TDRP: variants seen among roughly 807,000 people sequenced by gnomAD.
The protein encoded by TDRP is testis development related protein, also known as testis development-related protein.
A neutral mutation model predicts 10.5 loss-of-function variants in TDRP; 12 were observed. That is an observed-to-expected ratio of 1.15 (90% confidence interval 0.73 to 1.86). The LOEUF is 1.86. Among genes scored for constraint, TDRP ranks in the 40% most tolerant of loss-of-function variants. TDRP has a pLI of 0.00. For synonymous variants in TDRP, 139 were observed against 95.4 expected (o/e 1.46, Z -2.67); for missense variants, 353 against 229.2 (o/e 1.54, Z -3.49).
At chr8:504,691 A>G (rs1045399207) in intron 1 of TDRP, among the ~76,000 whole-genome samples, 2 of 152,216 alleles carry the variant, frequency 1.3e-5, no homozygotes, top group Non-Finnish European at 2.9e-5. Context: ...ACCAGGTTAC[A>G]ATTTGGGTCA....
intron 1 of TDRP, among the ~76,000 whole-genome samples, chr8:506,105 A>T (rs1218237257): frequency 2.0e-5 from 3 of 152,172 alleles, no homozygotes; most frequent in Non-Finnish European, 4.4e-5. Flanking sequence ...AGCCACATGA[A>T]CACTATTTTT....
intron 1 of TDRP, among the ~76,000 whole-genome samples, chr8:538,863 C>T (rs1802417281): frequency 6.6e-6 from 1 of 152,198 alleles, no homozygotes. Context: ...GCGCATCTCA[C>T]CACACTGGTG....
At chr8:501,619 T>A (rs970790785) in intron 1 of TDRP, among the ~76,000 whole-genome samples, 4 of 152,188 alleles carry the variant, frequency 2.6e-5, no homozygotes, top group African/African-American at 4.8e-5. Flanking sequence ...AGTGCTGGGA[T>A]TACAGGCGTG....
At chr8:533,169 G>C (rs1802253254) in intron 1 of TDRP, among the ~76,000 whole-genome samples, 1 of 152,146 alleles carries the variant, frequency 6.6e-6, no homozygotes. Flanking sequence ...TTCTGAAGTG[G>C]AGAACCAGGT....
Position 532,338 on chromosome 8 carries a change from A to G in TDRP, c.108+12312T>C, listed in dbSNP as rs150758931. On this transcript the variant is annotated intron_variant, in intron 1 of 2. Transcript: ENST00000324079. ...CCACTGAAACCTGCTACTGGGGGAA[A>G]CCTGCAATCTGTCTCAGAAGGGCAC... is the stretch of plus-strand genomic sequence containing the variant. Among the ~76,000 whole-genome samples, 439 of 152,272 alleles carry G rather than the reference A, an allele frequency of 2.9e-3. 2 individuals are homozygous for G. Among genetic ancestry groups the G allele is most frequent in the African/African-American group, 9.8e-3 (409 of 41,554 alleles).
At chr8:495,407 C>A (rs553160741) in intron 1 of TDRP, among the ~76,000 whole-genome samples, 1 of 152,212 alleles carries the variant, frequency 6.6e-6, no homozygotes, top group Admixed American at 6.5e-5. Context: ...CTAACTTCTA[C>A]AAGTGTAGAT....
At chr8:532,477 T>C (rs1802230421) in intron 1 of TDRP, among the ~76,000 whole-genome samples, 1 of 152,236 alleles carries the variant, frequency 6.6e-6, no homozygotes, top group Admixed American at 6.5e-5. Flanking sequence ...GTGAAGACCA[T>C]GAATACAATC....
intron 1 of TDRP, among the ~76,000 whole-genome samples, chr8:541,376 A>G (rs1802492186): frequency 6.6e-6 from 1 of 152,238 alleles, no homozygotes; most frequent in Non-Finnish European, 1.5e-5. Context: ...TCAATATAAT[A>G]CCAAAGGCAC....
Position 492,269 on chromosome 8 carries a change from A to G in TDRP, c.*130T>C. On this transcript the variant is annotated 3_prime_UTR_variant, in exon 3 of 3. Coordinates refer to ENST00000324079, the MANE Select transcript of TDRP (RefSeq NM_001384899.1). The stretch of plus-strand genomic sequence containing the variant: ...GTGAGAGTTCATTAAATAAAGAAAC[A>G]GAGGTCCAAATATCAAATATAGGCA... 1 of 1,335,868 alleles carries G rather than the reference A, an allele frequency of 7.5e-7. No homozygotes were observed. The highest frequency in any genetic ancestry group is 9.6e-7 in the Non-Finnish European group (1 of 1,045,136). 82.8% of individuals were successfully genotyped at this position (1,335,868 alleles called of 1,614,324 possible). A position where few individuals can be genotyped will look rare whatever the true frequency, so the allele number is the denominator to read the frequency against.
At position 490,700 on chromosome 8, in the gene TDRP, T is replaced by A. The variant is rs776329080; in HGVS notation, c.*1699A>T. On this transcript the variant is annotated 3_prime_UTR_variant, in exon 3 of 3. Coordinates refer to ENST00000324079, the MANE Select transcript of TDRP (RefSeq NM_001384899.1). ...TTATGACTATTTACCTGAGGAAACTTAGAATTTGTCAACTTAGCTGTTATA... is the reference window on the plus strand; with the variant it reads ...TTATGACTATTTACCTGAGGAAACTAAGAATTTGTCAACTTAGCTGTTATA... 1 of 152,220 alleles carries A rather than the reference T, an allele frequency of 6.6e-6. No homozygotes were observed. The highest frequency in any genetic ancestry group is 2.4e-5 in the African/African-American group (1 of 41,460). The allele number at this position is 152,220 out of a possible 1,614,324, so 9.4% of individuals were successfully genotyped here.
At chr8:497,679 T>C (rs1303803814) in intron 1 of TDRP, among the ~76,000 whole-genome samples, 1 of 152,180 alleles carries the variant, frequency 6.6e-6, no homozygotes, top group Non-Finnish European at 1.5e-5. Flanking sequence ...CCAATGTTAA[T>C]TGTCAAGACA....
chr8:501,193 G>A (rs192101941), intron 1 of TDRP, among the ~76,000 whole-genome samples: 360 of 151,860 alleles, frequency 2.4e-3, no homozygotes, highest in African/African-American at 8.3e-3. Context: ...GCGACAGAGT[G>A]AGACTCCATC....
intron 1 of TDRP, among the ~76,000 whole-genome samples, chr8:511,943 A>C (rs1386518273): frequency 6.6e-6 from 1 of 152,174 alleles, no homozygotes; most frequent in Non-Finnish European, 1.5e-5. Flanking sequence ...TTATAGCTGT[A>C]AATGTCTATA....
Position 493,940 on chromosome 8 carries a change from A to T in TDRP, c.212+554T>A, listed in dbSNP as rs1801053945. Among the ~76,000 whole-genome samples the T allele has an allele frequency of 1.3e-4, 19 of 149,800 alleles. No individual in the cohort carries two copies. The South Asian group carries it at 3.8e-3, about 30-fold the overall frequency. ...CCAACAGAGACCCTCAGGACCTTTTATCCAAAGTACAGTTTCTTTTTTTTT... is the reference window on the plus strand; with the variant it reads ...CCAACAGAGACCCTCAGGACCTTTTTTCCAAAGTACAGTTTCTTTTTTTTT... On this transcript the variant is annotated intron_variant, in intron 2 of 2. Coordinates refer to ENST00000324079, the MANE Select transcript of TDRP (RefSeq NM_001384899.1).
At chr8:499,252 G>T (rs1801220908) in intron 1 of TDRP, among the ~76,000 whole-genome samples, 1 of 146,220 alleles carries the variant, frequency 6.8e-6, no homozygotes, top group Admixed American at 6.7e-5. Context: ...TTTGTTTTTG[G>T]AGGCAGGGTC....
chr8:501,806 G>A (rs374251267), intron 1 of TDRP, among the ~76,000 whole-genome samples: 108 of 152,336 alleles, frequency 7.1e-4, no homozygotes, highest in South Asian at 2.9e-3. Context: ...ACGGTTTGCC[G>A]TTATCAACCA....
Position 490,267 on chromosome 8 carries a change from AT to A in TDRP, c.*2131del, listed in dbSNP as rs1291855232. ...TTAATCAGGCACAGAAGAAAAAATC[AT>A]TTTTACATTAGTCTTTGTAGATAAG... On this transcript the variant is annotated 3_prime_UTR_variant, in exon 3 of 3. Coordinates refer to ENST00000324079, the MANE Select transcript of TDRP (RefSeq NM_001384899.1). The A allele has an allele frequency of 1.3e-5, 2 of 152,244 alleles. No individual in the cohort carries two copies. The highest frequency in any genetic ancestry group is 2.9e-5 in the Non-Finnish European group (2 of 68,040). 9.4% of individuals were successfully genotyped at this position (152,244 alleles called of 1,614,324 possible).
intron 1 of TDRP, among the ~76,000 whole-genome samples, chr8:532,437 C>T (rs1391952561): frequency 2.6e-5 from 4 of 152,210 alleles, no homozygotes; most frequent in African/African-American, 9.6e-5. Flanking sequence ...AAATGCACTC[C>T]AGCTCTTCTA....
chr8:545,768 G>T (rs1346030876), upstream of TDRP: 1 of 151,862 alleles, frequency 6.6e-6, no homozygotes, highest in Non-Finnish European at 1.5e-5. Context: ...GGCGCCGCGG[G>T]CTCGGCCCGG....
Sources: allele counts gnomAD v4.1 joint callset (sites outside exome capture counted in the v4.1 genomes callset), GRCh38; gene constraint gnomAD v4.1.1; transcripts MANE v1.5; gene names NCBI Gene and HGNC (gene_info 2026-07-23, HGNC 2026-07-21).